The following SEL1L3 variants were observed in gnomAD, a reference collection of about 807,000 sequenced individuals.
SEL1L3 encodes the protein protein sel-1 homolog 3.
A neutral mutation model predicts 142.8 loss-of-function variants in SEL1L3; 76 were observed. The ratio of observed to expected loss-of-function variants is 0.53; its 90% CI spans 0.44 to 0.64. SEL1L3 has a LOEUF of 0.64. Ranked by LOEUF, SEL1L3 falls within the 30% of genes least tolerant of loss-of-function variation. SEL1L3 has a pLI of 0.00. For synonymous variants in SEL1L3, 504 were observed against 519.6 expected (o/e 0.97, Z 0.41); for missense variants, 1,262 against 1,381.7 (o/e 0.91, Z 1.37).
chr4:25,858,529 G>C (rs1453055919), intron 1 of SEL1L3, among the ~76,000 whole-genome samples: 1 of 152,030 alleles, frequency 6.6e-6, no homozygotes, highest in Non-Finnish European at 1.5e-5. Context: ...ACATGTATCT[G>C]TTCTGTTTTT....
Position 25,835,220 on chromosome 4 carries a change from T to A in SEL1L3, c.837A>T (p.Arg279=). 6.2e-7 allele frequency: 1 copy of A among 1,614,030 alleles called. No individual in the cohort carries two copies. Among genetic ancestry groups the A allele is most frequent in the Non-Finnish European group, 8.5e-7 (1 of 1,179,886 alleles). The change falls in exon 3 of 24, where the codon CGA becomes CGT. Residue 279 remains arginine (R), a synonymous_variant. Coordinates refer to ENST00000399878, the MANE Select transcript of SEL1L3 (RefSeq NM_015187.5). The part of the protein sequence containing the change: ...RFRNRELEAT[R]RQRMDYPVFT... ...ACACTGGGTAATCCATCCTCTGGCG[T>A]CGAGTGGCCTCCAGCTCTCGGTTCC...
chr4:25,848,454 G>A (rs187293283), intron 1 of SEL1L3, among the ~76,000 whole-genome samples: 6 of 152,314 alleles, frequency 3.9e-5, no homozygotes, highest in Non-Finnish European at 7.3e-5. Flanking sequence ...AAGCTCAGAC[G>A]ATGGGCTGTG....
At position 25,779,199 on chromosome 4, in the gene SEL1L3, A is replaced by G. The variant is rs1013995743; in HGVS notation, c.2462T>C (p.Leu821Ser). 2 of 1,613,188 alleles carry G rather than the reference A, an allele frequency of 1.2e-6. No homozygotes were observed. Among genetic ancestry groups the G allele is most frequent in the Non-Finnish European group, 1.7e-6 (2 of 1,179,356 alleles). ...AGCCTTATGGAAATATTCACCAGCT[A>G]AAGTCTGTAACAAGAGATGAACAAA... Reference protein sequence around the residue: ...FPGVPGRNQTLAGEYFHKAAQ... With the variant: ...FPGVPGRNQTSAGEYFHKAAQ... Residue 821 changes from leucine (L) to serine (S), a missense_variant, in exon 16 of 24, where the codon TTA becomes TCA. Physicochemically the swap from Leu to Ser is moderately radical, Grantham distance 145. Coordinates refer to ENST00000399878, the MANE Select transcript of SEL1L3 (RefSeq NM_015187.5).
At chr4:25,812,810 C>T (rs1162438736) in intron 9 of SEL1L3, among the ~76,000 whole-genome samples, 2 of 150,586 alleles carry the variant, frequency 1.3e-5, no homozygotes, top group Admixed American at 6.6e-5. Context: ...GTCAGGAGTT[C>T]AAGACCAGCC....
At chr4:25,784,170 G>C in intron 14 of SEL1L3, 58 bp downstream of exon 14, 1 of 1,361,338 alleles carries the variant, frequency 7.3e-7, no homozygotes, top group South Asian at 1.2e-5. Context: ...TTAGACGTGC[G>C]AGAGCGTGTG....
At chr4:25,806,856 T>TAA (rs59558638) in intron 9 of SEL1L3, among the ~76,000 whole-genome samples, 130 of 142,728 alleles carry the variant, frequency 9.1e-4, no homozygotes, top group African/African-American at 3.2e-3. Flanking sequence ...CAGCTTGTCG[T>TAA]AAAAAAAAAA....
chr4:25,809,762 T>C (rs1341322469), intron 9 of SEL1L3, among the ~76,000 whole-genome samples: 1 of 152,212 alleles, frequency 6.6e-6, no homozygotes, highest in Non-Finnish European at 1.5e-5. Flanking sequence ...ACTATATGTA[T>C]GCTTTTTTAA....
At position 25,846,961 on chromosome 4, in the gene SEL1L3, A is replaced by G. The variant is rs538230168; in HGVS notation, c.733+333T>C. Among the ~76,000 whole-genome samples, 15 of 151,516 alleles carry G rather than the reference A, an allele frequency of 9.9e-5. No individual in the cohort carries two copies. In the East Asian group the frequency reaches 2.9e-3, roughly 29 times the overall value. On this transcript the variant is annotated intron_variant, in intron 2 of 23. Coordinates refer to ENST00000399878, the MANE Select transcript of SEL1L3 (RefSeq NM_015187.5). ...AGGAAACTTTAGCAGGCTTGTTGGAAGGTGAGTGGGAAGATTTTCCCAATC... is the reference window on the plus strand; with the variant it reads ...AGGAAACTTTAGCAGGCTTGTTGGAGGGTGAGTGGGAAGATTTTCCCAATC...
chr4:25,719,811 G>A, the SEL1L3 span: 1 of 152,062 alleles, frequency 6.6e-6, no homozygotes, highest in African/African-American at 2.4e-5. Context: ...AGTAAGGAAA[G>A]GCCCACGGCA....
Position 25,804,623 on chromosome 4 carries a change from C to T in SEL1L3, c.1694G>A (p.Ser565Asn). 4 of 1,613,916 alleles carry T rather than the reference C, an allele frequency of 2.5e-6. No individual in the cohort carries two copies. The highest frequency in any genetic ancestry group is 3.4e-6 in the Non-Finnish European group (4 of 1,179,820). The change falls in exon 10 of 24, where the codon AGC becomes AAC. Residue 565 changes from serine to asparagine, a missense_variant. By Grantham distance (46) the Ser-to-Asn change is conservative. Around this residue, in one of 3 missense-constraint regions of SEL1L3, gnomAD observed 435 missense variants for 559.2 expected, o/e 0.78. Transcript: ENST00000399878. ...SSIVPFLTDS[S>N]CCGYHKASYY... Reference sequence around the variant, plus strand: ...GGATGCTTTATGGTATCCACAGCAGCTGGAATCCGTCAGAAAGGGGACGAT... The same window carrying T: ...GGATGCTTTATGGTATCCACAGCAGTTGGAATCCGTCAGAAAGGGGACGAT...
At chr4:25,838,645 G>T (rs1715981173) in intron 2 of SEL1L3, among the ~76,000 whole-genome samples, 1 of 152,130 alleles carries the variant, frequency 6.6e-6, no homozygotes, top group South Asian at 2.1e-4. Context: ...GAACCTCCAA[G>T]GCCCCGCCAC....
intron 12 of SEL1L3, among the ~76,000 whole-genome samples, chr4:25,790,114 C>T (rs1712189391): frequency 6.6e-6 from 1 of 152,100 alleles, no homozygotes; most frequent in Non-Finnish European, 1.5e-5. Context: ...TGTGGCTTTC[C>T]CTCTTTCTGG....
the SEL1L3 span, among the ~76,000 whole-genome samples, chr4:25,735,736 G>C: frequency 6.7e-6 from 1 of 149,800 alleles, no homozygotes; most frequent in Admixed American, 6.6e-5. Context: ...TAAACCCAGA[G>C]ACAGTTCAGA....
At chr4:25,749,937 A>G (rs1717478369) in intron 23 of SEL1L3, among the ~76,000 whole-genome samples, 1 of 152,246 alleles carries the variant, frequency 6.6e-6, no homozygotes, top group African/African-American at 2.4e-5. Context: ...AAGATTTATT[A>G]GAAACCCAGC....
intron 2 of SEL1L3, among the ~76,000 whole-genome samples, chr4:25,846,397 A>G (rs1448031459): frequency 6.6e-6 from 1 of 152,190 alleles, no homozygotes; most frequent in Admixed American, 6.5e-5. Flanking sequence ...ATCACATCTC[A>G]TTTAGTCCTC....
At chr4:25,750,910 T>C (rs751844018) in intron 23 of SEL1L3, among the ~76,000 whole-genome samples, 5 of 152,212 alleles carry the variant, frequency 3.3e-5, no homozygotes, top group Non-Finnish European at 7.3e-5. Context: ...TAGGCTGACG[T>C]TGGTTTAAAA....
At chr4:25,801,360 G>C (rs185703330) in intron 11 of SEL1L3, among the ~76,000 whole-genome samples, 2 of 152,174 alleles carry the variant, frequency 1.3e-5, no homozygotes, top group African/African-American at 4.8e-5. Context: ...CCAAGATTGC[G>C]CCACTGCCTT....
At chr4:25,863,506 G>T, upstream of SEL1L3, 1 of 702,802 alleles carries the variant, frequency 1.4e-6, no homozygotes, top group Admixed American at 2.0e-5. Context: ...TTTGGCCGGG[G>T]CGCCATTCCC....
chr4:25,806,046 T>C (rs191049847), intron 9 of SEL1L3, among the ~76,000 whole-genome samples: 2,691 of 150,624 alleles, frequency 0.018, 52 homozygotes, highest in Non-Finnish European at 0.025. Flanking sequence ...TGTTTGTTTT[T>C]TTTTTTTTTT....
Sources: allele counts gnomAD v4.1 joint callset (sites outside exome capture counted in the v4.1 genomes callset), GRCh38; gene constraint gnomAD v4.1.1; regional missense constraint gnomAD v4.1.1; transcripts MANE v1.5; gene names NCBI Gene and HGNC (gene_info 2026-07-23, HGNC 2026-07-21).